DYNC2H1: variants seen among roughly 807,000 people sequenced by gnomAD.
The protein encoded by DYNC2H1 is dynein cytoplasmic 2 heavy chain 1.
DYNC2H1 carries 410 observed loss-of-function variants against 570.0 expected under a neutral mutation model. The observed-to-expected ratio is 0.72, with a 90% CI of 0.66 to 0.78. The LOEUF (loss-of-function observed/expected upper bound fraction) is 0.78. Among genes scored for constraint, DYNC2H1 ranks in the 30% least tolerant of loss-of-function variants. DYNC2H1 has a pLI of 0.00. For synonymous variants in DYNC2H1, 1,688 were observed against 1,677.6 expected, an observed-to-expected ratio of 1.01 and a Z score of -0.15; for missense variants, 4,865 against 5,046.4, an observed-to-expected ratio of 0.96 and a Z score of 1.09.
chr11:103,479,173 A>G lies in DYNC2H1; in HGVS notation c.12844A>G (p.Thr4282Ala). 2 of 1,613,924 alleles carry G rather than the reference A, an allele frequency of 1.2e-6. No homozygotes were observed. Among genetic ancestry groups the G allele is most frequent in the Non-Finnish European group, 1.7e-6 (2 of 1,179,860 alleles). The change falls in exon 89 of 89, where the codon ACC (threonine) becomes GCC (alanine). Residue 4282 changes from threonine (T) to alanine (A), a missense_variant. Thr to Ala is a moderately conservative substitution (Grantham distance 58, BLOSUM62 0). Around this residue, in one of 5 missense-constraint regions of DYNC2H1, gnomAD observed 2,401 missense variants for 2,454.6 expected, o/e 0.98. Coordinates refer to ENST00000375735, the MANE Select transcript of DYNC2H1 (RefSeq NM_001377.3). ...AAGTGCTGAAAGGGATCGTGTGGTT[A>G]CCAATATTGATGTTCCATGTGGGGG... Reference protein sequence around the residue: ...YTSAERDRVVTNIDVPCGGNQ... With the variant: ...YTSAERDRVVANIDVPCGGNQ...
intron 81 of DYNC2H1, among the ~76,000 whole-genome samples, chr11:103,321,707 G>A (rs1938210814): frequency 6.6e-6 from 1 of 152,044 alleles, no homozygotes; most frequent in Admixed American, 6.6e-5. Flanking sequence ...AACATTTTGT[G>A]TATTTTTTTC....
chr11:103,464,565 G>T (rs574986897), intron 87 of DYNC2H1, among the ~76,000 whole-genome samples: 29 of 152,124 alleles, frequency 1.9e-4, no homozygotes, highest in Non-Finnish European at 4.0e-4. Flanking sequence ...AATCTTCAAA[G>T]TTACCAGATA....
intron 70 of DYNC2H1, among the ~76,000 whole-genome samples, chr11:103,276,685 C>G (rs939594943): frequency 2.0e-5 from 3 of 151,940 alleles, no homozygotes; most frequent in African/African-American, 7.2e-5. Context: ...TTATAAACAT[C>G]TTCCTCCTCC....
In DYNC2H1 at chr11:103,121,458, G is replaced by T; in HGVS notation, c.1447G>T (p.Val483Phe). ...TTCTGGCAAAAATCTTTCAGAAGTT[G>T]TCAACAGTATAGTTTGGGTTCGCCA... ...PLSGKNLSEVVNSIVWVRQLE... is the reference protein window; with the variant it reads ...PLSGKNLSEVFNSIVWVRQLE... The change falls in exon 10 of 89, where the codon GTC becomes TTC. Residue 483 changes from valine to phenylalanine, a missense_variant. This residue lies in a region of DYNC2H1 where 1,936 missense variants were observed against 1,962.1 expected (regional missense o/e 0.99). Coordinates refer to ENST00000375735, the MANE Select transcript of DYNC2H1 (RefSeq NM_001377.3). The T allele has an allele frequency of 6.2e-7, 1 of 1,613,368 alleles. No individual in the cohort carries two copies. Among genetic ancestry groups the T allele is most frequent in the Non-Finnish European group, 8.5e-7 (1 of 1,179,586 alleles).
chr11:103,114,081 G>A (rs1858250311), intron 2 of DYNC2H1, 22 bp from the exon 3 acceptor site: 1 of 1,604,224 alleles, frequency 6.2e-7, no homozygotes, highest in Admixed American at 1.7e-5. Flanking sequence ...AATCTTGGTT[G>A]CTCTTGTCTG....
rs1466956071 is a variant in DYNC2H1, at chr11:103,461,495, A to G, written c.12648+5139A>G. On this transcript the variant is annotated intron_variant, in intron 87 of 88. Transcript: ENST00000375735. The surrounding 1 kb of genome is among the most constrained non-coding windows in gnomAD (Gnocchi z 4.8). ...ATTATGTGTTAAATAGTACTTGAAA[A>G]CTTGATATTGCAAAATACATAAATC... Among the ~76,000 whole-genome samples the G allele has an allele frequency of 1.3e-5, 2 of 152,114 alleles. No homozygotes were observed. The highest frequency in any genetic ancestry group is 4.8e-5 in the African/African-American group (2 of 41,408).
intron 82 of DYNC2H1, among the ~76,000 whole-genome samples, chr11:103,352,122 A>G (rs1442943793): frequency 3.9e-5 from 6 of 152,032 alleles, no homozygotes; most frequent in African/African-American, 1.4e-4. Context: ...AAATTTTTCC[A>G]TTTTTAATTT....
At chr11:103,475,698 G>A (rs1340724041) in intron 88 of DYNC2H1, among the ~76,000 whole-genome samples, 2 of 152,126 alleles carry the variant, frequency 1.3e-5, no homozygotes, top group Non-Finnish European at 2.9e-5. Context: ...TACCCTGGCT[G>A]TAAGACAAAC....
In DYNC2H1 at chr11:103,286,257, T is replaced by C. The variant is rs747217568; in HGVS notation, c.10893T>C (p.Ile3631=). ...ATATGGCCATTTTTATTTTTTAGAT[T>C]GCTCTCCCCAGTCTTTATCAGACCC... ...ERSWAVATLK[I]ALPSLYQTLC... is the part of the protein sequence containing the mutation. Residue 3631 remains isoleucine, a splice_region_variant and synonymous_variant, in exon 74 of 89, where the codon ATT becomes ATC. Coordinates refer to ENST00000375735, the MANE Select transcript of DYNC2H1 (RefSeq NM_001377.3). 5.0e-6 allele frequency: 8 copies of C among 1,612,816 alleles called. No individual in the cohort carries two copies. The highest frequency in any genetic ancestry group is 4.4e-5 in the South Asian group (4 of 90,682).
chr11:103,397,110 CAATAAA>C (rs1201819406), intron 83 of DYNC2H1, among the ~76,000 whole-genome samples: 13 of 151,874 alleles, frequency 8.6e-5, no homozygotes, highest in African/African-American at 2.9e-4. Flanking sequence ...GTGTCTAAAT[CAATAAA>C]AATAAATAGA....
rs1214580999 is a variant in DYNC2H1, at chr11:103,170,178, A to C, written c.5039A>C (p.Lys1680Thr). 1.4e-5 allele frequency: 22 copies of C among 1,613,056 alleles called. No homozygotes were observed. The highest frequency in any genetic ancestry group is 1.9e-5 in the Non-Finnish European group (22 of 1,179,508). ...KCYLTLTQAMKMGLGGNPYGP... is the reference protein window; with the variant it reads ...KCYLTLTQAMTMGLGGNPYGP... ...TACTTAACTCTCACTCAAGCCATGA[A>C]GATGGGACTTGGAGGAAATCCTTAT... Residue 1680 changes from lysine to threonine, a missense_variant, in exon 33 of 89, where the codon AAG (lysine) becomes ACG (threonine). Physicochemically the swap from Lys to Thr is moderately conservative, Grantham distance 78 (BLOSUM62 -1). Transcript: ENST00000375735. This position sits in a 1 kb window ranked among gnomAD's most constrained non-coding sequence, Gnocchi z 4.8.
chr11:103,343,374 C>A (rs1488264182), intron 82 of DYNC2H1, among the ~76,000 whole-genome samples: 1 of 152,150 alleles, frequency 6.6e-6, no homozygotes, highest in Non-Finnish European at 1.5e-5. Context: ...AAAACCACTC[C>A]CTGTCTCTGG....
intron 31 of DYNC2H1, among the ~76,000 whole-genome samples, chr11:103,167,565 G>A (rs980826830): frequency 6.6e-6 from 1 of 152,100 alleles, no homozygotes; most frequent in African/African-American, 2.4e-5. Context: ...TCTTTGCCCG[G>A]CAATAATAGT....
intron 31 of DYNC2H1, 116 bp from the exon 32 acceptor site, chr11:103,168,639 G>C (rs1021613167): frequency 1.9e-6 from 2 of 1,080,178 alleles, no homozygotes; most frequent in Admixed American, 2.5e-5. Flanking sequence ...CCATTCATAT[G>C]TGTCATGAAA....
At chr11:103,296,025 C>G (rs529354724) in intron 75 of DYNC2H1, among the ~76,000 whole-genome samples, 1 of 152,300 alleles carries the variant, frequency 6.6e-6, no homozygotes, top group South Asian at 2.1e-4. Context: ...AAGTCACACT[C>G]ACTTTCCTCC....
Position 103,143,254 on chromosome 11 carries a change from C to G in DYNC2H1, c.2575-14C>G. ...CTGTGTCTTTAATAATACATTTTTT[C>G]TTTCTTTAAATAGGAATGGATTGTA... is the stretch of plus-strand genomic sequence containing the variant. On this transcript the variant is annotated splice_polypyrimidine_tract_variant and intron_variant, in intron 17 of 88. Coordinates refer to ENST00000375735, the MANE Select transcript of DYNC2H1 (RefSeq NM_001377.3). 6.2e-7 allele frequency: 1 copy of G among 1,606,538 alleles called. No individual in the cohort carries two copies. The highest frequency in any genetic ancestry group is 1.1e-5 in the South Asian group (1 of 89,394).
chr11:103,134,017 C>T (rs1859405237), intron 14 of DYNC2H1, among the ~76,000 whole-genome samples: 1 of 152,102 alleles, frequency 6.6e-6, no homozygotes, highest in African/African-American at 2.4e-5. Context: ...AGCCTCCCCT[C>T]CTCAGTCTTT....
intron 85 of DYNC2H1, among the ~76,000 whole-genome samples, chr11:103,447,901 A>C (rs185235763): frequency 8.5e-5 from 13 of 152,256 alleles, no homozygotes; most frequent in Admixed American, 5.2e-4. Context: ...CATCCAAATA[A>C]TAACCAACAA....
rs1192611106 is a variant in DYNC2H1, at chr11:103,253,286, A to G, written c.10044A>G (p.Gly3348=). ...CAATTGTGTGTTTTTTTTAAATAGG[A>G]CCACGTTATGTGGTACAAATAGGTG... ...PLLRRDLVAQ[G]PRYVVQIGDK... The change falls in exon 66 of 89, where the codon GGA becomes GGG. Residue 3348 remains glycine (G), a splice_region_variant and synonymous_variant. Transcript: ENST00000375735. The G allele has an allele frequency of 1.2e-6, 2 of 1,605,682 alleles. No individual in the cohort carries two copies. The highest frequency in any genetic ancestry group is 1.1e-5 in the South Asian group (1 of 89,370).
Sources: gnomAD v4.1 joint callset for allele counts (sites outside exome capture counted in the v4.1 genomes callset) on GRCh38, gnomAD v4.1.1 for gene constraint, gnomAD v4.1.1 regional missense constraint, Gnocchi (gnomAD v3.1) non-coding constraint, MANE v1.5 for transcripts, NCBI Gene and HGNC (gene_info 2026-07-23, HGNC 2026-07-21) for gene names.